The following AUTS2 variants were observed in gnomAD, a reference collection of about 807,000 sequenced individuals.
AUTS2 encodes activator of transcription and developmental regulator AUTS2, also known as autism susceptibility gene 2 protein.
In AUTS2, 17 loss-of-function variants were observed where a neutral mutation model predicts 112.4. The observed-to-expected ratio is 0.15, with a 90% confidence interval of 0.10 to 0.23. The LOEUF is 0.23. AUTS2 is among the 10% of genes least tolerant of loss of function. AUTS2 has a pLI of 1.00. For synonymous variants in AUTS2, 751 were observed against 702.7 expected (o/e 1.07, Z -1.09); for missense variants, 1,510 against 1,701.6 (o/e 0.89, Z 1.98).
intron 1 of AUTS2, among the ~76,000 whole-genome samples, chr7:69,758,369 C>T (rs537150217): frequency 2.0e-5 from 3 of 152,152 alleles, no homozygotes; most frequent in Non-Finnish European, 4.4e-5. Context: ...TTGGATCAGT[C>T]ACTTTATTAC....
chr7:70,173,829 A>G (rs1395656829), intron 4 of AUTS2, among the ~76,000 whole-genome samples: 5 of 131,910 alleles, frequency 3.8e-5, no homozygotes, highest in South Asian at 2.5e-4. Flanking sequence ...ACCTCGCTAT[A>G]TAAGAACAGT....
chr7:70,731,420 C>CT (rs56244002), intron 6 of AUTS2, among the ~76,000 whole-genome samples: 2,353 of 69,408 alleles, frequency 0.034, 562 homozygotes, highest in African/African-American at 0.081. Context: ...TTACCCAGAT[C>CT]TTTTTTTTTT....
intron 2 of AUTS2, among the ~76,000 whole-genome samples, chr7:69,966,944 C>T (rs1797655887): frequency 6.6e-6 from 1 of 152,182 alleles, no homozygotes. Context: ...GTACTAGGAG[C>T]TGTTCTGTCA....
At chr7:70,134,641 T>C (rs182412555) in intron 4 of AUTS2, 70 bp downstream of exon 4, 334 of 1,390,442 alleles carry the variant, frequency 2.4e-4, no homozygotes, top group Non-Finnish European at 1.6e-4. Flanking sequence ...TGAATGCTCA[T>C]TGGGATATGA....
chr7:70,463,735 T>A (rs1023325979), intron 5 of AUTS2, among the ~76,000 whole-genome samples: 1 of 152,218 alleles, frequency 6.6e-6, no homozygotes, highest in Non-Finnish European at 1.5e-5. Context: ...ACCTTTGTTC[T>A]TGTGTGTTTG....
At chr7:69,844,476 G>A (rs1470295100) in intron 1 of AUTS2, among the ~76,000 whole-genome samples, 1 of 152,110 alleles carries the variant, frequency 6.6e-6, no homozygotes, top group Non-Finnish European at 1.5e-5. Flanking sequence ...AACTGTCATG[G>A]TTTTCAGAAG....
chr7:70,035,143 T>C (rs951369026), intron 2 of AUTS2, among the ~76,000 whole-genome samples: 1 of 152,254 alleles, frequency 6.6e-6, no homozygotes, highest in Non-Finnish European at 1.5e-5. Context: ...TTTTGTACTT[T>C]ATGCCACCCA....
intron 4 of AUTS2, among the ~76,000 whole-genome samples, chr7:70,195,279 C>T (rs1810113393): frequency 6.6e-6 from 1 of 152,164 alleles, no homozygotes; most frequent in Non-Finnish European, 1.5e-5. Context: ...TTTGATATGA[C>T]ACCTACCCCT....
chr7:69,863,783 T>C (rs1194780903), intron 1 of AUTS2, among the ~76,000 whole-genome samples: 1 of 152,154 alleles, frequency 6.6e-6, no homozygotes, highest in East Asian at 1.9e-4. Context: ...TGTGTGCCCC[T>C]CCACACCTGA....
At chr7:70,521,725 T>G (rs553181251) in intron 5 of AUTS2, among the ~76,000 whole-genome samples, 115 of 152,346 alleles carry the variant, frequency 7.5e-4, no homozygotes, top group Admixed American at 3.1e-3. Flanking sequence ...TGTTTTACTT[T>G]GATGCCAAAA....
intron 2 of AUTS2, among the ~76,000 whole-genome samples, chr7:69,917,046 C>T (rs949917053): frequency 3.9e-5 from 6 of 152,172 alleles, no homozygotes; most frequent in Non-Finnish European, 8.8e-5. Context: ...GAGGATCTCA[C>T]TCTCTTGCCC....
chr7:69,994,494 G>GTGTGTGTGTT (rs1215839868), intron 2 of AUTS2, among the ~76,000 whole-genome samples: 6 of 152,124 alleles, frequency 3.9e-5, no homozygotes, highest in Non-Finnish European at 8.8e-5. Context: ...AAAAATATCT[G>GTGTGTGTGTT]TGTGTGTGTT....
intron 5 of AUTS2, among the ~76,000 whole-genome samples, chr7:70,609,455 T>C (rs38297): frequency 0.67 from 99,185 of 147,166 alleles, 33,880 homozygotes; most frequent in African/African-American, 0.75. Context: ...AGTGCAGTGG[T>C]GTGATCTCGG....
At chr7:70,541,464 G>A (rs1800551021) in intron 5 of AUTS2, among the ~76,000 whole-genome samples, 1 of 152,184 alleles carries the variant, frequency 6.6e-6, no homozygotes, top group South Asian at 2.1e-4. Flanking sequence ...CTGAACCTAT[G>A]TGCAAACCAC....
chr7:70,623,383 C>T (rs939170160), intron 5 of AUTS2, among the ~76,000 whole-genome samples: 15 of 152,164 alleles, frequency 9.9e-5, no homozygotes, highest in African/African-American at 3.1e-4. Context: ...AACCAACTGT[C>T]GTTCTGTTCA....
At chr7:70,017,718 C>T (rs947672713) in intron 2 of AUTS2, among the ~76,000 whole-genome samples, 12 of 151,892 alleles carry the variant, frequency 7.9e-5, no homozygotes, top group Non-Finnish European at 1.6e-4. Context: ...GCCATCACTG[C>T]GAAATGCTCA....
chr7:69,653,580 A>G (rs1260484610), intron 1 of AUTS2, among the ~76,000 whole-genome samples: 1 of 152,096 alleles, frequency 6.6e-6, no homozygotes, highest in Non-Finnish European at 1.5e-5. Flanking sequence ...CTCTAAGTGT[A>G]CTAAGAATTA....
At chr7:69,899,894 A>G (rs990074362) in intron 2 of AUTS2, among the ~76,000 whole-genome samples, 2 of 152,240 alleles carry the variant, frequency 1.3e-5, no homozygotes, top group South Asian at 2.1e-4. Flanking sequence ...AGGTGCTAAA[A>G]TGATTGCCTG....
chr7:69,756,700 G>A (rs902981203), intron 1 of AUTS2, among the ~76,000 whole-genome samples: 1 of 151,822 alleles, frequency 6.6e-6, no homozygotes, highest in South Asian at 2.1e-4. Flanking sequence ...TGACTTGCTA[G>A]TAACTACCAG....
Sources: allele counts gnomAD v4.1 joint callset (sites outside exome capture counted in the v4.1 genomes callset), GRCh38; gene constraint gnomAD v4.1.1; transcripts MANE v1.5; gene names NCBI Gene and HGNC (gene_info 2026-07-23, HGNC 2026-07-21).